Variants in SND1 observed in about 807,000 individuals in gnomAD.
The protein encoded by SND1 is staphylococcal nuclease domain-containing protein 1.
Under a neutral mutation model 121.7 loss-of-function variants are expected in SND1, and 38 were observed. That is an observed-to-expected ratio of 0.31 (90% CI 0.24 to 0.41). The LOEUF is 0.41. Among genes scored for constraint, SND1 ranks in the 10% least tolerant of loss-of-function variants. The probability of loss-of-function intolerance (pLI) is 1.00; values close to 1 mark genes in which losing one functional copy is unlikely to be tolerated. For missense variants in SND1, 868 were observed against 1,184.6 expected (o/e 0.73, Z 3.92); for synonymous variants, 401 against 447.4 (o/e 0.90, Z 1.31).
At chr7:127,668,542 A>G (rs146486223) in intron 1 of SND1, among the ~76,000 whole-genome samples, 153 of 152,366 alleles carry the variant, frequency 1.0e-3, no homozygotes, top group African/African-American at 3.5e-3. Context: ...CCAGGAAAAA[A>G]TAAGTATTTT....
chr7:127,885,624 C>T (rs1258853312), intron 12 of SND1, among the ~76,000 whole-genome samples: 3 of 151,950 alleles, frequency 2.0e-5, no homozygotes, highest in East Asian at 1.9e-4. Context: ...TGGTTTTTCC[C>T]GGCCAGGCAG....
At position 127,740,849 on chromosome 7, in the gene SND1, T is replaced by G. The variant is rs527621590; in HGVS notation, c.1152+19449T>G. 5.9e-5 allele frequency among the ~76,000 whole-genome samples: 9 copies of G among 152,334 alleles called. No homozygotes were observed. In the South Asian group the frequency reaches 1.9e-3, roughly 32 times the overall value. On this transcript the variant is annotated intron_variant, in intron 10 of 23. Coordinates refer to ENST00000354725, the MANE Select transcript of SND1 (RefSeq NM_014390.4). ...TGGATGGGAGTCTTAAGCTTGAAAG[T>G]GATGACATCAAAACCAAATCAAATC...
intron 4 of SND1, among the ~76,000 whole-genome samples, chr7:127,700,385 A>T (rs1796079856): frequency 1.3e-5 from 2 of 152,206 alleles, no homozygotes; most frequent in Non-Finnish European, 2.9e-5. Flanking sequence ...TTGGTAGGTC[A>T]TCCTTGCTTA....
At chr7:127,688,928 A>C (rs1410351898) in intron 2 of SND1, among the ~76,000 whole-genome samples, 1 of 152,228 alleles carries the variant, frequency 6.6e-6, no homozygotes, top group African/African-American at 2.4e-5. Flanking sequence ...ATAATAAAGG[A>C]CATTTTATTT....
chr7:127,975,339 G>A lies in SND1; in HGVS notation c.1670-15608G>A, dbSNP rs1228966134. Among the ~76,000 whole-genome samples the A allele has an allele frequency of 4.6e-5, 7 of 152,044 alleles. No homozygotes were observed. The East Asian group carries it at 5.8e-4, about 13-fold the overall frequency. ...CTTGTGTTTGTATGTGTGGGCGCGC[G>A]CGCATGTGCGCACGCGCGTGTGTAT... On this transcript the variant is annotated intron_variant, in intron 15 of 23. Transcript: ENST00000354725.
intron 16 of SND1, among the ~76,000 whole-genome samples, chr7:127,993,236 G>A (rs1187090401): frequency 1.3e-5 from 2 of 152,200 alleles, no homozygotes; most frequent in African/African-American, 2.4e-5. Flanking sequence ...TCTGAACAGT[G>A]TAGGAATGGA....
intron 2 of SND1, among the ~76,000 whole-genome samples, chr7:127,690,469 T>G (rs904696668): frequency 2.0e-5 from 3 of 152,232 alleles, no homozygotes; most frequent in African/African-American, 7.2e-5. Context: ...TGCTGTCTTT[T>G]AAGATTCAGC....
At chr7:127,938,230 T>TA (rs1310652670) in intron 15 of SND1, among the ~76,000 whole-genome samples, 4 of 152,238 alleles carry the variant, frequency 2.6e-5, no homozygotes, top group Non-Finnish European at 5.9e-5. Flanking sequence ...GAGAGTCACT[T>TA]ACAGGAAAGA....
At chr7:127,911,763 G>A (rs545265777) in intron 14 of SND1, among the ~76,000 whole-genome samples, 6 of 152,182 alleles carry the variant, frequency 3.9e-5, no homozygotes, top group Non-Finnish European at 7.3e-5. Flanking sequence ...GCCTCCCAAA[G>A]TGCTAGGATT....
intron 16 of SND1, among the ~76,000 whole-genome samples, chr7:128,045,401 T>A (rs1047079829): frequency 1.3e-5 from 2 of 152,194 alleles, no homozygotes; most frequent in African/African-American, 4.8e-5. Flanking sequence ...TCAGTTCTTA[T>A]TAGACAGCTC....
intron 16 of SND1, among the ~76,000 whole-genome samples, chr7:128,035,172 CAT>C (rs1179100437): frequency 3.3e-5 from 5 of 152,228 alleles, no homozygotes; most frequent in African/African-American, 4.8e-5. Flanking sequence ...CCCCTTTAGA[CAT>C]GTGACAAATC....
rs975433176 is a variant in SND1, at chr7:127,652,357, C to G, written c.-17C>G. On this transcript the variant is annotated 5_prime_UTR_variant, in exon 1 of 24. Transcript: ENST00000354725. Reference sequence around the variant, plus strand: ...GTCCGGCCAGCCGCTCCACTCGTTGCCTTTGCATCTCCACACATGGCGTCC... The same window carrying G: ...GTCCGGCCAGCCGCTCCACTCGTTGGCTTTGCATCTCCACACATGGCGTCC... The G allele has an allele frequency of 3.1e-6, 5 of 1,588,128 alleles. No homozygotes were observed. The African/African-American group carries it at 5.4e-5, about 17-fold the overall frequency.
chr7:127,728,076 ATCTC>A (rs1446143697), intron 10 of SND1, among the ~76,000 whole-genome samples: 1 of 152,128 alleles, frequency 6.6e-6, no homozygotes, highest in Non-Finnish European at 1.5e-5. Flanking sequence ...CATTTCACTG[ATCTC>A]TCTAAGTGAA....
rs780302777 is a variant in SND1, at chr7:128,074,696, T to C, written c.1968+6T>C. 6.2e-7 allele frequency: 1 copy of C among 1,605,256 alleles called. No individual in the cohort carries two copies. The highest frequency in any genetic ancestry group is 8.5e-7 in the Non-Finnish European group (1 of 1,175,784). ...CAAAGCAGAAGAAAGAGAAGGTACA[T>C]GTGGCAGCCCAGCTGTGCTCTCCCT... On this transcript the variant is annotated splice_donor_region_variant and intron_variant, in intron 17 of 23. Transcript: ENST00000354725.
At chr7:127,911,583 G>A (rs1023459263) in intron 14 of SND1, among the ~76,000 whole-genome samples, 7 of 151,954 alleles carry the variant, frequency 4.6e-5, no homozygotes, top group African/African-American at 7.3e-5. Flanking sequence ...GTGCAGTGGC[G>A]CCATCTCAGC....
At chr7:127,708,154 T>C (rs1796234822) in intron 9 of SND1, among the ~76,000 whole-genome samples, 1 of 152,086 alleles carries the variant, frequency 6.6e-6, no homozygotes. Context: ...ACAGGCTTTG[T>C]GTTAGATTAT....
chr7:127,777,122 T>C (rs1009097289), intron 10 of SND1, among the ~76,000 whole-genome samples: 1 of 152,228 alleles, frequency 6.6e-6, no homozygotes, highest in East Asian at 1.9e-4. Flanking sequence ...AGTTATTCAG[T>C]GACCCAGCTT....
intron 15 of SND1, among the ~76,000 whole-genome samples, chr7:127,947,651 A>G (rs1235492022): frequency 2.0e-5 from 3 of 152,178 alleles, no homozygotes; most frequent in Admixed American, 6.5e-5. Flanking sequence ...CTGGCCTTAC[A>G]TGTCATGGCA....
chr7:128,023,321 C>T (rs1337684028), intron 16 of SND1, among the ~76,000 whole-genome samples: 1 of 152,182 alleles, frequency 6.6e-6, no homozygotes, highest in African/African-American at 2.4e-5. Flanking sequence ...GTCCTGGTAA[C>T]ACTTAATGGT....
Sources: gnomAD v4.1 joint callset for allele counts (sites outside exome capture counted in the v4.1 genomes callset) on GRCh38, gnomAD v4.1.1 for gene constraint, MANE v1.5 for transcripts, NCBI Gene and HGNC (gene_info 2026-07-23, HGNC 2026-07-21) for gene names.